The following GPD2 variants were observed in gnomAD, a reference collection of about 807,000 sequenced individuals.
GPD2 encodes glycerol-3-phosphate dehydrogenase 2.
Under a neutral mutation model 82.4 loss-of-function variants are expected in GPD2, and 54 were observed. The ratio of observed to expected loss-of-function variants is 0.66; its 90% confidence interval spans 0.53 to 0.82. GPD2 has a LOEUF of 0.82. Among genes scored for constraint, GPD2 ranks in the 40% least tolerant of loss-of-function variants. The probability of loss-of-function intolerance (pLI) is 0.00; values close to 1 mark genes in which losing one functional copy is unlikely to be tolerated. For missense variants in GPD2, 748 were observed against 896.2 expected (o/e 0.83, Z 2.11); for synonymous variants, 288 against 306.1 (o/e 0.94, Z 0.62).
In GPD2 at chr2:156,586,061, A is replaced by C. The variant is rs1330764029; in HGVS notation, c.*3143A>C. 1 of 152,392 alleles carries C rather than the reference A, an allele frequency of 6.6e-6. No homozygotes were observed. Among genetic ancestry groups the C allele is most frequent in the East Asian group, 1.9e-4 (1 of 5,170 alleles). The allele number at this position is 152,392 out of a possible 1,614,324, so 9.4% of individuals were successfully genotyped here. A position where few individuals can be genotyped will look rare whatever the true frequency, so the allele number is the denominator to read the frequency against. The stretch of plus-strand genomic sequence containing the variant: ...TTGATACACAGAATGAGCTGCATGC[A>C]TTTATAGAGCAATAAGAGGATGTAT... On this transcript the variant is annotated 3_prime_UTR_variant, in exon 17 of 17. Coordinates refer to ENST00000438166, the MANE Select transcript of GPD2 (RefSeq NM_000408.5).
chr2:156,506,266 A>C (rs989999583), intron 3 of GPD2, among the ~76,000 whole-genome samples: 3 of 152,196 alleles, frequency 2.0e-5, no homozygotes, highest in African/African-American at 7.2e-5. Context: ...GGAAACTAAA[A>C]TTTTAAGTTT....
the GPD2 span, among the ~76,000 whole-genome samples, chr2:156,427,416 G>A: frequency 6.6e-6 from 1 of 152,142 alleles, no homozygotes; most frequent in Non-Finnish European, 1.5e-5. Flanking sequence ...AAATTATACT[G>A]TAATTTTTTT....
rs564494059 is a variant in GPD2 at position 156,459,686 on chromosome 2, C to CAAAAAAAAAAAAAAAAAAAAAA, written c.-8-16410_-8-16389dup. Among the ~76,000 whole-genome samples the CAAAAAAAAAAAAAAAAAAAAAA allele has an allele frequency of 5.1e-3, 197 of 38,694 alleles. 3 individuals carry two copies. The highest frequency in any genetic ancestry group is 8.8e-3 in the East Asian group (6 of 684). The allele number at this position is 38,694 out of a possible 152,430, so 25.4% of individuals were successfully genotyped here. A position where few individuals can be genotyped will look rare whatever the true frequency, so the allele number is the denominator to read the frequency against. The stretch of plus-strand genomic sequence containing the variant: ...CTGGCGACAGAGCAAGACTCCGTCT[C>CAAAAAAAAAAAAAAAAAAAAAA]AAAAAAAAAAAAAAAAAAAAAAAGA... On this transcript the variant is annotated intron_variant, in intron 1 of 16. Coordinates refer to ENST00000438166, the MANE Select transcript of GPD2 (RefSeq NM_000408.5).
intron 8 of GPD2, among the ~76,000 whole-genome samples, chr2:156,552,935 T>C (rs1454849589): frequency 6.8e-6 from 1 of 147,154 alleles, no homozygotes; most frequent in South Asian, 2.2e-4. Context: ...GGTTTTGCTG[T>C]GTCACCTAGG....
chr2:156,582,723 G>C (rs1259540411), intron 16 of GPD2, 70 bp from the exon 17 acceptor site: 11 of 1,550,182 alleles, frequency 7.1e-6, no homozygotes, highest in Non-Finnish European at 9.8e-6. Flanking sequence ...CAATTCTAAC[G>C]ATTATGATGC....
chr2:156,571,341 A>G, intron 13 of GPD2, 49 bp downstream of exon 13: 2 of 1,163,758 alleles, frequency 1.7e-6, no homozygotes, highest in Non-Finnish European at 2.4e-6. Flanking sequence ...TAAACGCGGA[A>G]TGGCTTAATT....
chr2:156,423,626 A>G, the GPD2 span, among the ~76,000 whole-genome samples: 1 of 152,224 alleles, frequency 6.6e-6, no homozygotes, highest in African/African-American at 2.4e-5. Context: ...GCTAAGTTAC[A>G]GAATATATTT....
At chr2:156,425,776 T>G in the GPD2 span, among the ~76,000 whole-genome samples, 1 of 152,228 alleles carries the variant, frequency 6.6e-6, no homozygotes, top group East Asian at 1.9e-4. Flanking sequence ...AATAGCCTAA[T>G]GAACTCACTT....
rs1013625211 is a variant in GPD2, at chr2:156,583,056, T to G, written c.*138T>G. On this transcript the variant is annotated 3_prime_UTR_variant, in exon 17 of 17. Coordinates refer to ENST00000438166, the MANE Select transcript of GPD2 (RefSeq NM_000408.5). ...AACACTAGAAAACATTCCAAAACTTTAAGGTGTTGGTGTATTTGCCAGCTT... is the reference window on the plus strand; with the variant it reads ...AACACTAGAAAACATTCCAAAACTTGAAGGTGTTGGTGTATTTGCCAGCTT... The G allele has an allele frequency of 3.3e-6, 3 of 910,742 alleles. No individual in the cohort carries two copies. The highest frequency in any genetic ancestry group is 5.3e-5 in the East Asian group (2 of 38,070). The allele number at this position is 910,742 out of a possible 1,614,324, so 56.4% of individuals were successfully genotyped here. A position where few individuals can be genotyped will look rare whatever the true frequency, so the allele number is the denominator to read the frequency against.
At chr2:156,521,536 A>G (rs1263916279) in intron 6 of GPD2, among the ~76,000 whole-genome samples, 1 of 152,188 alleles carries the variant, frequency 6.6e-6, no homozygotes, top group Non-Finnish European at 1.5e-5. Context: ...TTTCATGGAT[A>G]CTCTATAGTC....
chr2:156,545,715 G>A (rs1288276140), intron 6 of GPD2, among the ~76,000 whole-genome samples: 1 of 152,028 alleles, frequency 6.6e-6, no homozygotes, highest in Admixed American at 6.5e-5. Flanking sequence ...AAAATCCCAG[G>A]TAGTTTTATA....
chr2:156,494,436 G>C (rs1162022466), intron 2 of GPD2, among the ~76,000 whole-genome samples: 1 of 152,170 alleles, frequency 6.6e-6, no homozygotes, highest in Non-Finnish European at 1.5e-5. Flanking sequence ...CTGGTAACCA[G>C]GTGCTAAATC....
intron 9 of GPD2, among the ~76,000 whole-genome samples, chr2:156,562,600 C>T (rs1020578276): frequency 6.6e-6 from 1 of 152,024 alleles, no homozygotes; most frequent in Non-Finnish European, 1.5e-5. Context: ...AAAACATATG[C>T]CTAAATAACT....
chr2:156,545,982 G>A (rs1051865710), intron 6 of GPD2, among the ~76,000 whole-genome samples: 2 of 152,150 alleles, frequency 1.3e-5, no homozygotes, highest in African/African-American at 2.4e-5. Flanking sequence ...TTAAGACAAA[G>A]TTTTCTCTAC....
At chr2:156,474,724 C>T (rs573825965) in intron 1 of GPD2, among the ~76,000 whole-genome samples, 36 of 151,982 alleles carry the variant, frequency 2.4e-4, no homozygotes, top group Admixed American at 1.3e-3. Flanking sequence ...TTTTTAAGTC[C>T]TCATCAAAAC....
chr2:156,579,260 T>G, intron 15 of GPD2, 96 bp downstream of exon 15: 1 of 748,104 alleles, frequency 1.3e-6, no homozygotes, highest in Non-Finnish European at 2.3e-6. Context: ...GTAATATTTT[T>G]GTTATAATTT....
intron 10 of GPD2, 27 bp downstream of exon 10, chr2:156,568,986 TTTTC>T (rs1338612467): frequency 2.0e-6 from 3 of 1,510,766 alleles, no homozygotes; most frequent in South Asian, 1.1e-5. Flanking sequence ...TGTTATTTTC[TTTTC>T]TTTTTTTTTT....
intron 6 of GPD2, among the ~76,000 whole-genome samples, chr2:156,543,736 A>C (rs1686416934): frequency 6.6e-6 from 1 of 152,148 alleles, no homozygotes; most frequent in Admixed American, 6.6e-5. Flanking sequence ...GTGGAAGAGC[A>C]ATATTTTATT....
chr2:156,429,886 A>G, the GPD2 span, among the ~76,000 whole-genome samples: 39 of 152,214 alleles, frequency 2.6e-4, no homozygotes, highest in African/African-American at 8.0e-4. Flanking sequence ...ATCCTGCTCA[A>G]GGATTTAAGA....
Sources: gnomAD v4.1 joint callset for allele counts (sites outside exome capture counted in the v4.1 genomes callset) on GRCh38, gnomAD v4.1.1 for gene constraint, MANE v1.5 for transcripts, NCBI Gene and HGNC (gene_info 2026-07-23, HGNC 2026-07-21) for gene names.